GALNT1: variants seen among roughly 807,000 people sequenced by gnomAD.
The protein encoded by GALNT1 is polypeptide N-acetylgalactosaminyltransferase 1.
GALNT1 carries 17 observed loss-of-function variants against 65.7 expected under a neutral mutation model. That is an observed-to-expected ratio of 0.26 (90% CI 0.18 to 0.39). GALNT1 has a LOEUF of 0.39. Among genes scored for constraint, GALNT1 ranks in the 10% least tolerant of loss-of-function variants. The pLI is 1.00. For missense variants in GALNT1, 460 were observed against 672.8 expected, an observed-to-expected ratio of 0.68 and a Z score of 3.50; for synonymous variants, 210 against 219.7, an observed-to-expected ratio of 0.96 and a Z score of 0.39.
intron 4 of GALNT1, among the ~76,000 whole-genome samples, chr18:35,680,271 T>C (rs2047767492): frequency 6.6e-6 from 1 of 152,206 alleles, no homozygotes; most frequent in Non-Finnish European, 1.5e-5. Flanking sequence ...ACTGTTAACA[T>C]TGAATCATCC....
intron 4 of GALNT1, among the ~76,000 whole-genome samples, chr18:35,681,564 T>C (rs989509418): frequency 6.6e-6 from 1 of 152,114 alleles, no homozygotes; most frequent in African/African-American, 2.4e-5. Context: ...TTAGATTGCT[T>C]TAGTTCTGAA....
chr18:35,589,820 T>G (rs149303691), intron 1 of GALNT1, among the ~76,000 whole-genome samples: 1 of 152,356 alleles, frequency 6.6e-6, no homozygotes, highest in East Asian at 1.9e-4. Flanking sequence ...CTAATATGTG[T>G]AAAATATGAA....
intron 3 of GALNT1, among the ~76,000 whole-genome samples, chr18:35,665,503 C>T (rs2047537001): frequency 6.6e-6 from 1 of 152,020 alleles, no homozygotes; most frequent in African/African-American, 2.4e-5. Flanking sequence ...TTGAAAGAGC[C>T]CACCAACTTT....
intron 1 of GALNT1, among the ~76,000 whole-genome samples, chr18:35,616,184 T>C (rs1162736441): frequency 1.3e-5 from 2 of 152,206 alleles, no homozygotes; most frequent in Non-Finnish European, 2.9e-5. Flanking sequence ...TTTATGTAAA[T>C]TGCAGAGGTA....
At chr18:35,677,047 A>C (rs547710510) in intron 3 of GALNT1, among the ~76,000 whole-genome samples, 2 of 152,272 alleles carry the variant, frequency 1.3e-5, no homozygotes, top group African/African-American at 4.8e-5. Flanking sequence ...TGGAGTCTTC[A>C]GTCAGGTTCT....
intron 1 of GALNT1, chr18:35,596,336 T>C (rs1157348571): frequency 6.6e-6 from 1 of 152,192 alleles, no homozygotes; most frequent in African/African-American, 2.4e-5. Context: ...AAAAAATTGT[T>C]GAAGGCTTTA....
At chr18:35,667,342 G>T (rs1350833079) in intron 3 of GALNT1, among the ~76,000 whole-genome samples, 1 of 152,136 alleles carries the variant, frequency 6.6e-6, no homozygotes, top group African/African-American at 2.4e-5. Flanking sequence ...GTGGTTTATG[G>T]CTTTTTGTGA....
At position 35,646,430 on chromosome 18, in the gene GALNT1, C is replaced by T. The variant is rs117052434; in HGVS notation, c.-103-8130C>T. ...TACTCAAGATGTCAGCTGGAGCTGC[C>T]GTCATCTGAAGGCTTGCCTGGGGCT... On this transcript the variant is annotated intron_variant, in intron 1 of 11. Transcript: ENST00000269195. Among the ~76,000 whole-genome samples the T allele has an allele frequency of 5.3e-5, 8 of 152,282 alleles. No homozygotes were observed. In the East Asian group the frequency reaches 7.7e-4, roughly 15 times the overall value.
At chr18:35,609,770 C>T (rs1009182893) in intron 1 of GALNT1, among the ~76,000 whole-genome samples, 2 of 152,168 alleles carry the variant, frequency 1.3e-5, no homozygotes, top group Non-Finnish European at 2.9e-5. Context: ...CAACTGCCCA[C>T]TCTTTGCTTA....
At position 35,685,276 on chromosome 18, in the gene GALNT1, G is replaced by A. The variant is rs569666777; in HGVS notation, c.689+1678G>A. Among the ~76,000 whole-genome samples the A allele has an allele frequency of 2.0e-5, 3 of 152,058 alleles. No individual in the cohort carries two copies. The East Asian group carries it at 5.8e-4, about 29-fold the overall frequency. On this transcript the variant is annotated intron_variant, in intron 5 of 11. Coordinates refer to ENST00000269195, the MANE Select transcript of GALNT1 (RefSeq NM_020474.4). ...ACATATCATGATATCATGACTGCTT[G>A]GTTTAGCGTAATATTACAAAAACTA...
At chr18:35,671,194 A>G (rs1759805766) in intron 3 of GALNT1, among the ~76,000 whole-genome samples, 1 of 152,076 alleles carries the variant, frequency 6.6e-6, no homozygotes, top group Non-Finnish European at 1.5e-5. Context: ...CTACCATTGA[A>G]GGGACTCTCA....
chr18:35,703,597 A>G lies in GALNT1; in HGVS notation c.1487A>G (p.Lys496Arg). The G allele has an allele frequency of 1.9e-6, 3 of 1,614,064 alleles. No individual in the cohort carries two copies. The highest frequency in any genetic ancestry group is 2.5e-6 in the Non-Finnish European group (3 of 1,179,962). ...CTTAATGGCCCAGTTACAATGCTCA[A>G]ATGCCACCACCTAAAAGGCAACCAA... The part of the protein sequence containing the change: ...SKLNGPVTML[K>R]CHHLKGNQLW... The change falls in exon 11 of 12, where the codon AAA becomes AGA. Residue 496 changes from lysine to arginine, a missense_variant. Coordinates refer to ENST00000269195, the MANE Select transcript of GALNT1 (RefSeq NM_020474.4).
intron 1 of GALNT1, chr18:35,597,375 C>T (rs796824636): frequency 1.3e-5 from 2 of 152,228 alleles, no homozygotes; most frequent in African/African-American, 4.8e-5. Context: ...GAAATTAGGA[C>T]GTGGGGAGAG....
chr18:35,630,270 G>A (rs758323843), intron 1 of GALNT1, among the ~76,000 whole-genome samples: 16 of 152,146 alleles, frequency 1.1e-4, no homozygotes, highest in South Asian at 2.1e-4. Flanking sequence ...GCACCACACC[G>A]CAGTTACTCC....
chr18:35,647,874 G>A (rs866947839), intron 1 of GALNT1, among the ~76,000 whole-genome samples: 7 of 152,046 alleles, frequency 4.6e-5, no homozygotes, highest in Middle Eastern at 3.4e-3. Flanking sequence ...GGAAAATTTG[G>A]CATGTGATAT....
At chr18:35,630,759 C>G (rs1412970599) in intron 1 of GALNT1, among the ~76,000 whole-genome samples, 1 of 152,078 alleles carries the variant, frequency 6.6e-6, no homozygotes, top group Middle Eastern at 3.2e-3. Flanking sequence ...ATCAATGAAT[C>G]CAGGAGCTGG....
At chr18:35,625,548 CT>C (rs2046906458) in intron 1 of GALNT1, among the ~76,000 whole-genome samples, 1 of 152,054 alleles carries the variant, frequency 6.6e-6, no homozygotes, top group Non-Finnish European at 1.5e-5. Context: ...GAAGACTTGC[CT>C]TAGGGATAGA....
chr18:35,651,188 C>T (rs1022934496), intron 1 of GALNT1, among the ~76,000 whole-genome samples: 1 of 152,070 alleles, frequency 6.6e-6, no homozygotes, highest in African/African-American at 2.4e-5. Flanking sequence ...TGTGAAATTC[C>T]TTTTCAAGGC....
chr18:35,667,143 T>C (rs1050000717), intron 3 of GALNT1, among the ~76,000 whole-genome samples: 2 of 152,190 alleles, frequency 1.3e-5, no homozygotes, highest in African/African-American at 4.8e-5. Flanking sequence ...CTCTTTGTAG[T>C]CTCCATCTTG....
Sources: gnomAD v4.1 joint callset for allele counts (sites outside exome capture counted in the v4.1 genomes callset) on GRCh38, gnomAD v4.1.1 for gene constraint, MANE v1.5 for transcripts, NCBI Gene and HGNC (gene_info 2026-07-23, HGNC 2026-07-21) for gene names.